FOXN3: variants seen among roughly 807,000 people sequenced by gnomAD.
FOXN3 encodes the protein forkhead box protein N3.
In FOXN3, 7 loss-of-function variants were observed where a neutral mutation model predicts 38.4. The ratio of observed to expected loss-of-function variants is 0.18; its 90% CI spans 0.10 to 0.34. FOXN3 has a LOEUF of 0.34. FOXN3 is among the 10% of genes least tolerant of loss of function. FOXN3 has a pLI of 1.00. For missense variants in FOXN3, 456 were observed against 613.4 expected (o/e 0.74, Z 2.71); for synonymous variants, 230 against 242.2 (o/e 0.95, Z 0.47).
intron 1 of FOXN3, among the ~76,000 whole-genome samples, chr14:89,448,448 C>T (rs919133671): frequency 2.0e-5 from 3 of 152,022 alleles, no homozygotes; most frequent in Non-Finnish European, 2.9e-5. Context: ...TGCACCCTCC[C>T]TGCACCACAC....
chr14:89,333,989 TATATATATATATATATA>T (rs1888352433), intron 3 of FOXN3, among the ~76,000 whole-genome samples: 1 of 74,374 alleles, frequency 1.3e-5, no homozygotes, highest in Non-Finnish European at 2.6e-5. Context: ...TATATATATA[TATATATATATATATATA>T]TATGTATATA....
intron 2 of FOXN3, among the ~76,000 whole-genome samples, chr14:89,384,737 C>T (rs74078403): frequency 0.015 from 2,256 of 152,120 alleles, 50 homozygotes; most frequent in African/African-American, 0.052. Context: ...CATGACCCAG[C>T]CTGAGCAGGG....
At chr14:89,411,363 T>C (rs1891540714) in intron 2 of FOXN3, among the ~76,000 whole-genome samples, 1 of 152,202 alleles carries the variant, frequency 6.6e-6, no homozygotes, top group African/African-American at 2.4e-5. Context: ...TTGTCACTTA[T>C]ACAGACACCA....
chr14:89,602,782 C>A (rs1896179910), intron 1 of FOXN3, among the ~76,000 whole-genome samples: 1 of 152,194 alleles, frequency 6.6e-6, no homozygotes, highest in Admixed American at 6.5e-5. Flanking sequence ...AGGTGTGAGC[C>A]ACTGCGCCTG....
At chr14:89,609,080 GAA>G (rs1333301865) in intron 1 of FOXN3, among the ~76,000 whole-genome samples, 2 of 152,218 alleles carry the variant, frequency 1.3e-5, no homozygotes. Flanking sequence ...GTTCAGGGGT[GAA>G]GAGACACTGA....
intron 1 of FOXN3, among the ~76,000 whole-genome samples, chr14:89,550,734 C>A (rs527620335): frequency 2.0e-5 from 3 of 152,320 alleles, no homozygotes; most frequent in Non-Finnish European, 4.4e-5. Flanking sequence ...AGTCCTCGGG[C>A]GACTGCTTCA....
intron 2 of FOXN3, among the ~76,000 whole-genome samples, chr14:89,404,764 C>T (rs545058628): frequency 3.3e-5 from 5 of 152,080 alleles, no homozygotes; most frequent in East Asian, 3.9e-4. Flanking sequence ...GAGCCATTTC[C>T]GACGCTGGAC....
Position 89,259,179 on chromosome 14 carries a change from G to A in FOXN3, c.745+21771C>T, listed in dbSNP as rs1411572520. Among the ~76,000 whole-genome samples, 5 of 152,160 alleles carry A rather than the reference G, an allele frequency of 3.3e-5. No individual in the cohort carries two copies. The East Asian group carries it at 9.6e-4, about 29-fold the overall frequency. ...TTCTACATCTCTGTTGCATTGCTTT[G>A]CCTAGAGAGATGTTACAGGAAACTG... On this transcript the variant is annotated intron_variant, in intron 4 of 5. Transcript: ENST00000557258.
At chr14:89,560,441 T>A (rs1038526338) in intron 1 of FOXN3, among the ~76,000 whole-genome samples, 1 of 152,116 alleles carries the variant, frequency 6.6e-6, no homozygotes, top group African/African-American at 2.4e-5. Flanking sequence ...GATACAAGGA[T>A]AGGGAACCAT....
chr14:89,244,768 A>T (rs1885240104), intron 4 of FOXN3, among the ~76,000 whole-genome samples: 1 of 152,220 alleles, frequency 6.6e-6, no homozygotes, highest in Non-Finnish European at 1.5e-5. Context: ...CGTACAAAAC[A>T]GTGTCAGTTT....
At position 89,162,606 on chromosome 14, in the gene FOXN3, G is replaced by A; in HGVS notation, c.1215C>T (p.Ala405=). The A allele has an allele frequency of 6.2e-7, 1 of 1,613,940 alleles. No homozygotes were observed. Among genetic ancestry groups the A allele is most frequent in the Non-Finnish European group, 8.5e-7 (1 of 1,179,994 alleles). ...QHKKRQHFAK[A]RKVPSDTLPL... is the part of the protein sequence containing the mutation. ...GCAGTGTGTCGCTGGGGACCTTCCT[G>A]GCCTTGGCGAAGTGCTGGCGCTTCT... The change falls in exon 6 of 6, where the codon GCC becomes GCT. Residue 405 remains alanine, a synonymous_variant. Transcript: ENST00000557258. The surrounding 1 kb of genome is among the most constrained non-coding windows in gnomAD (Gnocchi z 7.2).
chr14:89,329,455 TCAC>T (rs1168871214), intron 3 of FOXN3, among the ~76,000 whole-genome samples: 1 of 152,152 alleles, frequency 6.6e-6, no homozygotes, highest in Non-Finnish European at 1.5e-5. Flanking sequence ...ACGTTTTCCA[TCAC>T]CACAACTTGG....
At chr14:89,204,636 C>A (rs1478383276) in intron 4 of FOXN3, among the ~76,000 whole-genome samples, 2 of 152,164 alleles carry the variant, frequency 1.3e-5, no homozygotes, top group African/African-American at 4.8e-5. Context: ...TTATCTTACA[C>A]GGGCCCTTCA....
chr14:89,392,874 T>C lies in FOXN3; in HGVS notation c.543+19060A>G, dbSNP rs114988492. Among the ~76,000 whole-genome samples, 397 of 150,654 alleles carry C rather than the reference T, an allele frequency of 2.6e-3. 1 individual carries two copies. Among genetic ancestry groups the C allele is most frequent in the African/African-American group, 8.3e-3 (340 of 41,000 alleles). ...CAGGCTGGAGTGCAGCAGCATGATA[T>C]CAGTTCAGTGCAACCTCCGCCCCCA... On this transcript the variant is annotated intron_variant, in intron 2 of 5. Coordinates refer to ENST00000557258, the MANE Select transcript of FOXN3 (RefSeq NM_005197.4).
In FOXN3 at chr14:89,433,131, C is replaced by T. The variant is rs143698788; in HGVS notation, c.-14-20641G>A. Among the ~76,000 whole-genome samples, 149 of 152,170 alleles carry T rather than the reference C, an allele frequency of 9.8e-4. 1 individual carries two copies. The highest frequency in any genetic ancestry group is 3.4e-3 in the Middle Eastern group (1 of 292). On this transcript the variant is annotated intron_variant, in intron 1 of 6. Coordinates refer to the FOXN3 transcript ENST00000345097. ...TGGGAGGCCGAGGCGGGGTGAGTCA[C>T]CTGAGGTCAGGAGTTTGAGACCAGC... is the stretch of plus-strand genomic sequence containing the variant.
chr14:89,572,015 A>G (rs1895507245), intron 1 of FOXN3, among the ~76,000 whole-genome samples: 1 of 152,382 alleles, frequency 6.6e-6, no homozygotes, highest in South Asian at 2.1e-4. Context: ...AAGGTCACAC[A>G]GTGAATTAAT....
At chr14:89,453,965 C>T (rs1193449352) in intron 1 of FOXN3, among the ~76,000 whole-genome samples, 1 of 151,842 alleles carries the variant, frequency 6.6e-6, no homozygotes, top group Non-Finnish European at 1.5e-5. Context: ...TAAATCAGAT[C>T]GTGAGGGTGG....
intron 2 of FOXN3, among the ~76,000 whole-genome samples, chr14:89,405,384 G>A (rs1039556404): frequency 1.6e-4 from 24 of 152,084 alleles, no homozygotes; most frequent in Admixed American, 1.3e-3. Context: ...TGATGCCCCC[G>A]TCTTGGCCTC....
chr14:89,357,058 G>C (rs1017089354), intron 2 of FOXN3, among the ~76,000 whole-genome samples: 1 of 152,068 alleles, frequency 6.6e-6, no homozygotes, highest in Non-Finnish European at 1.5e-5. Flanking sequence ...GACAGCTCCC[G>C]AATGTACTCT....
Sources: allele counts gnomAD v4.1 joint callset (sites outside exome capture counted in the v4.1 genomes callset), GRCh38; gene constraint gnomAD v4.1.1; non-coding constraint Gnocchi (gnomAD v3.1); transcripts MANE v1.5; gene names NCBI Gene and HGNC (gene_info 2026-07-23, HGNC 2026-07-21).